Variants in CHRM3 observed in about 807,000 individuals in gnomAD.
The protein encoded by CHRM3 is cholinergic receptor muscarinic 3, also known as muscarinic acetylcholine receptor M3.
A neutral mutation model predicts 41.8 loss-of-function variants in CHRM3; 11 were observed. The ratio of observed to expected loss-of-function variants is 0.26; its 90% CI spans 0.17 to 0.44. The LOEUF is 0.44. CHRM3 is among the 20% of genes least tolerant of loss of function. The probability of loss-of-function intolerance (pLI) is 1.00; values close to 1 mark genes in which losing one functional copy is unlikely to be tolerated. For synonymous variants in CHRM3, 297 were observed against 301.4 expected, an observed-to-expected ratio of 0.99 and a Z score of 0.15; for missense variants, 571 against 745.4, an observed-to-expected ratio of 0.77 and a Z score of 2.72.
chr1:239,396,134 T>C (rs1454518349), intron 1 of CHRM3, among the ~76,000 whole-genome samples: 1 of 152,178 alleles, frequency 6.6e-6, no homozygotes, highest in African/African-American at 2.4e-5. Context: ...TTGAAACGAA[T>C]TCATCTTCTG....
In CHRM3 at chr1:239,806,442, A is replaced by ACACACACC. The variant is rs767084160; in HGVS notation, c.-146-20809_-146-20808insACACACCC. 2.8e-4 allele frequency among the ~76,000 whole-genome samples: 41 copies of ACACACACC among 149,018 alleles called. No individual in the cohort carries two copies. In the Middle Eastern group the frequency reaches 0.01, roughly 37 times the overall value. ...TACACACACACACACACACACACACACCCCTGTGGACATCCAGAGATTGTA... is the reference window on the plus strand; with the variant it reads ...TACACACACACACACACACACACACACACACACCCCCCTGTGGACATCCAGAGATTGTA... On this transcript the variant is annotated intron_variant, in intron 5 of 6. Coordinates refer to ENST00000676153, the MANE Select transcript of CHRM3 (RefSeq NM_001375978.1).
chr1:239,872,873 C>T (rs1676711674), intron 6 of CHRM3, among the ~76,000 whole-genome samples: 1 of 152,076 alleles, frequency 6.6e-6, no homozygotes, highest in African/African-American at 2.4e-5. Context: ...CACAAAAAAA[C>T]AGTGTTTTAG....
chr1:239,389,151 C>A (rs538003077), intron 1 of CHRM3, among the ~76,000 whole-genome samples: 1 of 152,072 alleles, frequency 6.6e-6, no homozygotes, highest in Admixed American at 6.5e-5. Context: ...TTTGAAAAAT[C>A]TTTATAAATT....
intron 5 of CHRM3, chr1:239,704,795 A>G (rs1019584638): frequency 6.6e-6 from 1 of 152,252 alleles, no homozygotes; most frequent in Non-Finnish European, 1.5e-5. Context: ...AGAGGAATAC[A>G]TTTATTCCAA....
intron 6 of CHRM3, among the ~76,000 whole-genome samples, chr1:239,847,376 A>C (rs563036793): frequency 6.6e-6 from 1 of 152,222 alleles, no homozygotes; most frequent in Non-Finnish European, 1.5e-5. Context: ...CTTAGAAATC[A>C]CTAAAATAGA....
intron 5 of CHRM3, among the ~76,000 whole-genome samples, chr1:239,691,201 A>C (rs2147986953): frequency 6.6e-6 from 1 of 152,240 alleles, no homozygotes; most frequent in South Asian, 2.1e-4. Context: ...CTTCAAGGGC[A>C]AATTTAAGAT....
At chr1:239,862,063 C>T (rs908659343) in intron 6 of CHRM3, among the ~76,000 whole-genome samples, 1 of 152,200 alleles carries the variant, frequency 6.6e-6, no homozygotes, top group South Asian at 2.1e-4. Context: ...CTTCAGACTA[C>T]AGCCTCTCAA....
At chr1:239,647,071 T>C (rs976412723) in intron 4 of CHRM3, among the ~76,000 whole-genome samples, 3 of 152,230 alleles carry the variant, frequency 2.0e-5, no homozygotes, top group Non-Finnish European at 4.4e-5. Flanking sequence ...TTTAATTCTT[T>C]TGATTATTTG....
chr1:239,813,952 C>T (rs1671362567), intron 5 of CHRM3, among the ~76,000 whole-genome samples: 2 of 150,028 alleles, frequency 1.3e-5, no homozygotes, highest in African/African-American at 5.0e-5. Context: ...TTGTAGACTG[C>T]CTTCCTATTG....
chr1:239,750,528 G>C (rs1051964988), intron 5 of CHRM3, among the ~76,000 whole-genome samples: 5 of 152,136 alleles, frequency 3.3e-5, no homozygotes, highest in African/African-American at 1.2e-4. Flanking sequence ...GCCTCCTCAC[G>C]TATTTGAAGT....
chr1:239,868,312 T>A (rs1221290812), intron 6 of CHRM3, among the ~76,000 whole-genome samples: 1 of 152,138 alleles, frequency 6.6e-6, no homozygotes, highest in Non-Finnish European at 1.5e-5. Flanking sequence ...GGCATGTTGA[T>A]TTTACAGCTG....
At chr1:239,878,563 G>A (rs989124041) in intron 6 of CHRM3, among the ~76,000 whole-genome samples, 2 of 151,676 alleles carry the variant, frequency 1.3e-5, no homozygotes, top group Non-Finnish European at 2.9e-5. Context: ...TGGAGATCCC[G>A]GCTATATACA....
intron 5 of CHRM3, among the ~76,000 whole-genome samples, chr1:239,688,642 T>G (rs1350561419): frequency 7.5e-6 from 1 of 133,796 alleles, no homozygotes; most frequent in Non-Finnish European, 1.5e-5. Context: ...ATAATATATA[T>G]AATATATTAC....
rs574127894 is a variant in CHRM3 at position 239,664,245 on chromosome 1, C to G, written c.-249-13941C>G. 4.6e-5 allele frequency among the ~76,000 whole-genome samples: 7 copies of G among 152,266 alleles called. No individual in the cohort carries two copies. The South Asian group carries it at 1.2e-3, about 27-fold the overall frequency. ...TTCACGTAAGTCATCCTGTTAAATC[C>G]AGCTCTATGAGTGCATGTGCATAGC... On this transcript the variant is annotated intron_variant, in intron 4 of 6. Transcript: ENST00000676153.
intron 1 of CHRM3, among the ~76,000 whole-genome samples, chr1:239,452,667 C>T: frequency 6.6e-6 from 1 of 152,156 alleles, no homozygotes; most frequent in East Asian, 1.9e-4. Flanking sequence ...TAAATTGTAA[C>T]AGAACTCTAC....
chr1:239,431,197 T>TA (rs1390509916), intron 1 of CHRM3, among the ~76,000 whole-genome samples: 2 of 152,094 alleles, frequency 1.3e-5, no homozygotes, highest in Non-Finnish European at 2.9e-5. Context: ...ACATTAGGAG[T>TA]AAAATTAATT....
At chr1:239,836,973 TAAA>T (rs5782104) in intron 6 of CHRM3, among the ~76,000 whole-genome samples, 3 of 135,430 alleles carry the variant, frequency 2.2e-5, no homozygotes, top group Admixed American at 7.5e-5. Flanking sequence ...GACTCTGTCT[TAAA>T]AAAAAAAAAA....
At position 239,436,911 on chromosome 1, in the gene CHRM3, T is replaced by A. The variant is rs1016760082; in HGVS notation, c.-521+49684T>A. On this transcript the variant is annotated intron_variant, in intron 1 of 6. Transcript: ENST00000676153. ...TTGCCTATCTATTTTCTGTTTTACC[T>A]TATCATTAAGGACACCTCCAGTGAG... Among the ~76,000 whole-genome samples, 4 of 152,192 alleles carry A rather than the reference T, an allele frequency of 2.6e-5. No homozygotes were observed. The East Asian group carries it at 7.8e-4, about 30-fold the overall frequency.
intron 5 of CHRM3, among the ~76,000 whole-genome samples, chr1:239,733,027 A>T (rs1209783646): frequency 6.6e-6 from 1 of 152,034 alleles, no homozygotes; most frequent in Non-Finnish European, 1.5e-5. Context: ...CTATTTTAAC[A>T]TTACTTAGAT....
Sources: allele counts gnomAD v4.1 joint callset (sites outside exome capture counted in the v4.1 genomes callset), GRCh38; gene constraint gnomAD v4.1.1; transcripts MANE v1.5; gene names NCBI Gene and HGNC (gene_info 2026-07-23, HGNC 2026-07-21).